Variants in CIBAR1 observed in about 807,000 individuals in gnomAD.
CIBAR1 encodes CBY1-interacting BAR domain-containing protein 1.
A neutral mutation model predicts 44.0 loss-of-function variants in CIBAR1; 25 were observed. The ratio of observed to expected loss-of-function variants is 0.57; its 90% CI spans 0.41 to 0.79. CIBAR1 has a LOEUF of 0.79. Ranked by LOEUF, CIBAR1 falls within the 30% of genes least tolerant of loss-of-function variation. The probability of loss-of-function intolerance (pLI) is 0.00; values close to 1 mark genes in which losing one functional copy is unlikely to be tolerated. For synonymous variants in CIBAR1, 115 were observed against 119.0 expected (o/e 0.97, Z 0.22); for missense variants, 278 against 344.8 (o/e 0.81, Z 1.53).
intron 4 of CIBAR1, among the ~76,000 whole-genome samples, chr8:93,706,659 A>G (rs546608697): frequency 1.3e-5 from 2 of 152,238 alleles, no homozygotes; most frequent in South Asian, 4.1e-4. Context: ...TGGAAGGGAG[A>G]TAATCTTAGA....
chr8:93,707,218 C>G, intron 4 of CIBAR1: 3 of 428,122 alleles, frequency 7.0e-6, no homozygotes, highest in Middle Eastern at 3.4e-4. Context: ...GAAGAATTTT[C>G]AGTGAAAAGA....
chr8:93,700,666 GA>G lies in CIBAR1; in HGVS notation c.23del (p.Asn8ThrfsTer37), dbSNP rs1206238664. ...AGGCAGCATGATGAGGCGCACCCTG[GA>G]AAACCGGTAACAGCCCGAGCCCAGC... MMRRTL[E>X]NRNAQTKQLQ... On this transcript the variant is annotated frameshift_variant, in exon 1 of 9. Transcript: ENST00000518322. LOFTEE classifies it high-confidence loss of function. 2.0e-6 allele frequency: 3 copies of G among 1,505,144 alleles called. No individual in the cohort carries two copies. The highest frequency in any genetic ancestry group is 2.2e-5 in the Admixed American group (1 of 44,678). 93.2% of individuals were successfully genotyped at this position (1,505,144 alleles called of 1,614,324 possible).
Position 93,728,253 on chromosome 8 carries a change from G to A in CIBAR1, c.826G>A (p.Asp276Asn), listed in dbSNP as rs1811628112. ...RKDQQAEDDE[D>N]DELDVTEEEN... ...GGATCAACAAGCAGAAGATGATGAG[G>A]ATGACGAGTTAGATGTTACAGAAGA... The change falls in exon 9 of 9, where the codon GAT becomes AAT. Residue 276 changes from aspartate (D) to asparagine (N), a missense_variant. Asp to Asn is a conservative substitution (Grantham distance 23). Around this residue, in one of 3 missense-constraint regions of CIBAR1, gnomAD observed 93 missense variants for 108.9 expected, o/e 0.85. Transcript: ENST00000518322. The A allele has an allele frequency of 1.3e-6, 2 of 1,598,436 alleles. No homozygotes were observed. The highest frequency in any genetic ancestry group is 1.4e-5 in the African/African-American group (1 of 73,500).
intron 6 of CIBAR1, among the ~76,000 whole-genome samples, chr8:93,718,392 GTTA>G (rs754435008): frequency 1.3e-5 from 2 of 152,042 alleles, no homozygotes; most frequent in African/African-American, 4.8e-5. Flanking sequence ...CAGATCTTAT[GTTA>G]TTATAAATGT....
intron 6 of CIBAR1, among the ~76,000 whole-genome samples, chr8:93,716,499 C>T (rs116567610): frequency 0.02 from 3,011 of 151,900 alleles, 95 homozygotes; most frequent in African/African-American, 0.068. Flanking sequence ...TATATTTTTC[C>T]TTAACCTATA....
At chr8:93,710,836 C>CAAA (rs35465241) in intron 6 of CIBAR1, among the ~76,000 whole-genome samples, 6 of 120,558 alleles carry the variant, frequency 5.0e-5, no homozygotes, top group Non-Finnish European at 8.4e-5. Context: ...GACTCTGACT[C>CAAA]AAAAAAAAAA....
chr8:93,700,837 A>C (rs1810311499), intron 1 of CIBAR1, 164 bp downstream of exon 1: 1 of 1,313,826 alleles, frequency 7.6e-7, no homozygotes, highest in Non-Finnish European at 9.6e-7. Flanking sequence ...GGCTGCAGCC[A>C]CCGCCGGCGG....
intron 5 of CIBAR1, 197 bp from the exon 6 acceptor site, chr8:93,709,574 A>G (rs1470424928): frequency 2.0e-6 from 1 of 504,176 alleles, no homozygotes; most frequent in African/African-American, 2.0e-5. Flanking sequence ...ATCATGAATC[A>G]TATCACTAAA....
At position 93,704,775 on chromosome 8, in the gene CIBAR1, G is replaced by A. The variant is rs1810514137; in HGVS notation, c.331-134G>A. The stretch of plus-strand genomic sequence containing the variant: ...TAATTATGTAATACTTGTAATTCCT[G>A]TGGTAATGGTACCAGGATCACACAA... On this transcript the variant is annotated intron_variant, in intron 3 of 8. Coordinates refer to ENST00000518322, the MANE Select transcript of CIBAR1 (RefSeq NM_145269.5). 4 of 561,348 alleles carry A rather than the reference G, an allele frequency of 7.1e-6. No individual in the cohort carries two copies. In the East Asian group the frequency reaches 1.2e-4, roughly 16 times the overall value. The allele number at this position is 561,348 out of a possible 1,614,324, so 34.8% of individuals were successfully genotyped here. A position where few individuals can be genotyped will look rare whatever the true frequency, so the allele number is the denominator to read the frequency against.
Position 93,701,389 on chromosome 8 carries a change from G to T in CIBAR1, c.192G>T (p.Pro64=), listed in dbSNP as rs61742014. ...ACGCGTATGCTGCTACAGAGACCCC[G>T]CATTTAAAGCTGGGCCTGATGAACT... is the stretch of plus-strand genomic sequence containing the variant. ...EINAYAATET[P]HLKLGLMNFA... Residue 64 remains proline, a synonymous_variant, in exon 2 of 9, where the codon CCG becomes CCT. Coordinates refer to ENST00000518322, the MANE Select transcript of CIBAR1 (RefSeq NM_145269.5). 61 of 1,613,610 alleles carry T rather than the reference G, an allele frequency of 3.8e-5. No homozygotes were observed. Among genetic ancestry groups the T allele is most frequent in the Middle Eastern group, 3.3e-4 (2 of 6,084 alleles).
At position 93,701,438 on chromosome 8, in the gene CIBAR1, C is replaced by T; in HGVS notation, c.241C>T (p.Gln81Ter). The change falls in exon 2 of 9, where the codon CAG becomes TAG. Residue 81 changes from glutamine to a stop codon, truncating the protein, a stop_gained. Transcript: ENST00000518322. LOFTEE classifies it high-confidence loss of function. ...MNFADEFAKL[Q>*]DYRQAEVERL... ...CTTTGCAGATGAGTTTGCCAAACTT[C>T]AGGATTATCGACAAGCAGAGGTATG... The T allele has an allele frequency of 6.2e-7, 1 of 1,613,426 alleles. No individual in the cohort carries two copies. Among genetic ancestry groups the T allele is most frequent in the South Asian group, 1.1e-5 (1 of 90,940 alleles).
intron 8 of CIBAR1, among the ~76,000 whole-genome samples, chr8:93,727,506 T>C (rs925081347): frequency 2.0e-5 from 3 of 152,216 alleles, no homozygotes. Context: ...CTGCTGACTT[T>C]GGGACAAATA....
intron 6 of CIBAR1, among the ~76,000 whole-genome samples, chr8:93,713,296 G>A (rs1478532758): frequency 5.9e-5 from 9 of 152,036 alleles, no homozygotes; most frequent in Non-Finnish European, 1.2e-4. Context: ...ACCTCCCAAA[G>A]CTCTGGGATT....
intron 5 of CIBAR1, among the ~76,000 whole-genome samples, chr8:93,709,023 A>AC (rs1424016732): frequency 6.6e-6 from 1 of 152,208 alleles, no homozygotes; most frequent in Non-Finnish European, 1.5e-5. Flanking sequence ...TTACACCTGT[A>AC]ATCCCTGCAC....
At chr8:93,715,173 G>A (rs1810993419) in intron 6 of CIBAR1, among the ~76,000 whole-genome samples, 1 of 152,112 alleles carries the variant, frequency 6.6e-6, no homozygotes, top group Non-Finnish European at 1.5e-5. Context: ...GAAATCGGCT[G>A]GCATAGAACT....
Position 93,701,370 on chromosome 8 carries a change from A to C in CIBAR1, c.173A>C (p.Tyr58Ser). Residue 58 changes from tyrosine to serine, a missense_variant, in exon 2 of 9, where the codon TAT becomes TCT. Transcript: ENST00000518322. ...ADLLVNEINA[Y>S]AATETPHLKL... ...CTCCTGGTGAATGAAATTAACGCGT[A>C]TGCTGCTACAGAGACCCCGCATTTA... 1 of 1,613,876 alleles carries C rather than the reference A, an allele frequency of 6.2e-7. No individual in the cohort carries two copies. Among genetic ancestry groups the C allele is most frequent in the Non-Finnish European group, 8.5e-7 (1 of 1,179,868 alleles).
At chr8:93,711,418 G>A (rs896936243) in intron 6 of CIBAR1, among the ~76,000 whole-genome samples, 1 of 151,890 alleles carries the variant, frequency 6.6e-6, no homozygotes, top group African/African-American at 2.4e-5. Context: ...TTAATTTCCT[G>A]TCATAGTTTC....
At chr8:93,724,693 C>A in intron 7 of CIBAR1, 1 of 1,140,928 alleles carries the variant, frequency 8.8e-7, no homozygotes, top group Non-Finnish European at 1.1e-6. Context: ...CTACACGGTT[C>A]AGTAAAGTAG....
In CIBAR1 at chr8:93,730,745, G is replaced by A. The variant is rs945189600; in HGVS notation, c.*2448G>A. ...GCAGAGTTGGAGAGAGATGTGCAAA[G>A]ATGGCTCCCAACTAGAAGATACCAC... On this transcript the variant is annotated 3_prime_UTR_variant, in exon 9 of 9. Coordinates refer to ENST00000518322, the MANE Select transcript of CIBAR1 (RefSeq NM_145269.5). The A allele has an allele frequency of 6.6e-6, 1 of 152,112 alleles. No homozygotes were observed. The highest frequency in any genetic ancestry group is 1.9e-4 in the East Asian group (1 of 5,192). 9.4% of individuals were successfully genotyped at this position (152,112 alleles called of 1,614,324 possible).
Sources: gnomAD v4.1 joint callset for allele counts (sites outside exome capture counted in the v4.1 genomes callset) on GRCh38, gnomAD v4.1.1 for gene constraint, gnomAD v4.1.1 regional missense constraint, MANE v1.5 for transcripts, NCBI Gene and HGNC (gene_info 2026-07-23, HGNC 2026-07-21) for gene names.